Variants in ARMC10 observed in about 807,000 individuals in gnomAD.
ARMC10 encodes armadillo repeat containing 10.
Under a neutral mutation model 30.2 loss-of-function variants are expected in ARMC10, and 23 were observed. The ratio of observed to expected loss-of-function variants is 0.76; its 90% CI spans 0.55 to 1.08. ARMC10 has a LOEUF of 1.08. Among genes scored for constraint, ARMC10 ranks in the 50% least tolerant of loss-of-function variants. The pLI is 0.00. For missense variants in ARMC10, 303 were observed against 413.7 expected, an observed-to-expected ratio of 0.73 and a Z score of 2.32; for synonymous variants, 111 against 164.4, an observed-to-expected ratio of 0.68 and a Z score of 2.48.
At chr7:103,084,766 C>A (rs1418088689) in intron 3 of ARMC10, among the ~76,000 whole-genome samples, 1 of 152,152 alleles carries the variant, frequency 6.6e-6, no homozygotes, top group Non-Finnish European at 1.5e-5. Flanking sequence ...GTTTTCTTCA[C>A]CAGGGTTGAA....
intron 5 of ARMC10, among the ~76,000 whole-genome samples, 188 bp downstream of exon 5, chr7:103,092,841 TATC>T (rs971281384): frequency 6.6e-6 from 1 of 152,242 alleles, no homozygotes; most frequent in Non-Finnish European, 1.5e-5. Flanking sequence ...TTGTTTCACT[TATC>T]AACAGATTCC....
At chr7:103,077,447 T>C (rs916821460) in intron 2 of ARMC10, among the ~76,000 whole-genome samples, 3 of 152,200 alleles carry the variant, frequency 2.0e-5, no homozygotes, top group African/African-American at 7.2e-5. Flanking sequence ...GGGCCGTAGC[T>C]GGTAAGGGCT....
chr7:103,081,506 G>A (rs1358018586), intron 2 of ARMC10, among the ~76,000 whole-genome samples: 1 of 152,136 alleles, frequency 6.6e-6, no homozygotes, highest in African/African-American at 2.4e-5. Flanking sequence ...CGAGTACCTG[G>A]GATTACAAGG....
intron 6 of ARMC10, 141 bp from the exon 7 acceptor site, chr7:103,098,158 T>A (rs1801931066): frequency 1.0e-6 from 1 of 993,896 alleles, no homozygotes; most frequent in Non-Finnish European, 1.3e-6. Context: ...AAAATTTTTT[T>A]AATGTGAGAT....
intron 2 of ARMC10, chr7:103,081,749 G>T: frequency 2.7e-6 from 1 of 365,646 alleles, no homozygotes; most frequent in Non-Finnish European, 5.4e-6. Flanking sequence ...ATATGGATGA[G>T]TTAAATTTAT....
rs1279381790 is a variant in ARMC10, at chr7:103,099,166, T to G, written c.*613T>G. The G allele has an allele frequency of 4.8e-5, 7 of 146,278 alleles. No homozygotes were observed. Among genetic ancestry groups the G allele is most frequent in the African/African-American group, 1.7e-4 (7 of 40,356 alleles). 9.1% of individuals were successfully genotyped at this position (146,278 alleles called of 1,614,324 possible). On this transcript the variant is annotated 3_prime_UTR_variant, in exon 7 of 7. Transcript: ENST00000323716. ...ATCTTTAGACAGTTGGTTAAATAAA[T>G]TATCTGGTCTTTGAAAAGACCGTGC...
intron 2 of ARMC10, among the ~76,000 whole-genome samples, chr7:103,078,479 T>C (rs541920971): frequency 6.6e-6 from 1 of 152,196 alleles, no homozygotes; most frequent in Non-Finnish European, 1.5e-5. Flanking sequence ...AAGTGTTTGC[T>C]TCCCCTTCCA....
chr7:103,082,947 A>G, intron 2 of ARMC10: 1 of 408,890 alleles, frequency 2.4e-6, no homozygotes, highest in Non-Finnish European at 4.9e-6. Flanking sequence ...TGTATAAATC[A>G]AACAAAAATG....
At chr7:103,092,046 ATT>A (rs1340065902) in intron 4 of ARMC10, among the ~76,000 whole-genome samples, 1 of 152,132 alleles carries the variant, frequency 6.6e-6, no homozygotes, top group Non-Finnish European at 1.5e-5. Flanking sequence ...GAAATTTCAT[ATT>A]TTGGCCGGGC....
intron 5 of ARMC10, chr7:103,096,880 G>A (rs948872939): frequency 8.4e-5 from 17 of 201,862 alleles, no homozygotes; most frequent in African/African-American, 3.7e-4. Context: ...GAAGACATTT[G>A]CAATATTCTA....
At chr7:103,085,606 CTTTTTT>C (rs10581217) in intron 3 of ARMC10, among the ~76,000 whole-genome samples, 20 of 130,586 alleles carry the variant, frequency 1.5e-4, no homozygotes, top group Non-Finnish European at 2.8e-4. Flanking sequence ...CATTTCTCTT[CTTTTTT>C]TTTTTTTTTT....
chr7:103,080,205 T>C (rs1286604139), intron 2 of ARMC10, among the ~76,000 whole-genome samples: 2 of 152,224 alleles, frequency 1.3e-5, no homozygotes, highest in African/African-American at 4.8e-5. Flanking sequence ...GTAAAATTTT[T>C]AGAGTTTTAA....
In ARMC10 at chr7:103,081,664, T is replaced by G. The variant is rs1800394868; in HGVS notation, c.245-2018T>G. On this transcript the variant is annotated intron_variant, in intron 2 of 6. Transcript: ENST00000323716. ...TGCTGGGTTCACAGGCGTGAGCCAC[T>G]GCACCCAGTCTATAAGCTTTTTAAA... Among the ~76,000 whole-genome samples, 3 of 152,160 alleles carry G rather than the reference T, an allele frequency of 2.0e-5. No homozygotes were observed. In the South Asian group the frequency reaches 6.2e-4, roughly 32 times the overall value.
rs780260261 is a variant in ARMC10, at chr7:103,097,260, G to GT, written c.706-16dup. On this transcript the variant is annotated splice_polypyrimidine_tract_variant and intron_variant, in intron 5 of 6. Transcript: ENST00000323716. The stretch of plus-strand genomic sequence containing the variant: ...ATGCTTGCCAGTCTGAGATAAGCCA[G>GT]TATCATCTTCTTTCAGGTGCAAGTT... The GT allele has an allele frequency of 5.2e-5, 84 of 1,608,002 alleles. No individual in the cohort carries two copies. Among genetic ancestry groups the GT allele is most frequent in the Non-Finnish European group, 6.7e-5 (79 of 1,174,622 alleles).
intron 6 of ARMC10, among the ~76,000 whole-genome samples, chr7:103,097,610 C>T (rs1801860552): frequency 6.6e-6 from 1 of 152,122 alleles, no homozygotes; most frequent in African/African-American, 2.4e-5. Context: ...ATTTTGGGTA[C>T]AATTGTGCCA....
intron 4 of ARMC10, among the ~76,000 whole-genome samples, chr7:103,091,162 T>G (rs1354359266): frequency 6.6e-6 from 1 of 152,102 alleles, no homozygotes; most frequent in East Asian, 1.9e-4. Context: ...GACATGGTGG[T>G]GCACACCTGT....
intron 5 of ARMC10, among the ~76,000 whole-genome samples, chr7:103,094,139 A>G (rs1801574951): frequency 6.6e-6 from 1 of 152,238 alleles, no homozygotes; most frequent in Non-Finnish European, 1.5e-5. Context: ...CACTAAAATG[A>G]ATGTTTAAAT....
chr7:103,081,772 A>G (rs1273522839), intron 2 of ARMC10: 1 of 385,688 alleles, frequency 2.6e-6, no homozygotes, highest in Non-Finnish European at 5.2e-6. Flanking sequence ...CATTTCTGCC[A>G]TGCATGTGCA....
intron 2 of ARMC10, 57 bp downstream of exon 2, chr7:103,075,938 CA>C: frequency 1.6e-6 from 2 of 1,288,398 alleles, no homozygotes; most frequent in Non-Finnish European, 2.1e-6. Flanking sequence ...TCCCAGCGGA[CA>C]AATGCATGAT....
Sources: gnomAD v4.1 joint callset for allele counts (sites outside exome capture counted in the v4.1 genomes callset) on GRCh38, gnomAD v4.1.1 for gene constraint, MANE v1.5 for transcripts, NCBI Gene and HGNC (gene_info 2026-07-23, HGNC 2026-07-21) for gene names.